Variants in COL16A1 observed in about 807,000 individuals in gnomAD.
COL16A1 encodes the protein collagen type XVI alpha 1 chain, also known as collagen alpha-1(XVI) chain.
A neutral mutation model predicts 266.3 loss-of-function variants in COL16A1; 189 were observed. The ratio of observed to expected loss-of-function variants is 0.71; its 90% confidence interval spans 0.63 to 0.80. The LOEUF (loss-of-function observed/expected upper bound fraction) is 0.80, where lower values mean the gene tolerates loss of function less well. Among genes scored for constraint, COL16A1 ranks in the 30% least tolerant of loss-of-function variants. The pLI is 0.00. For missense variants in COL16A1, 1,928 were observed against 2,122.4 expected (o/e 0.91, Z 1.80); for synonymous variants, 740 against 782.3 (o/e 0.95, Z 0.90).
In COL16A1 at chr1:31,670,610, C is replaced by T; in HGVS notation, c.3187G>A (p.Gly1063Arg). 2.8e-6 allele frequency: 4 copies of T among 1,410,174 alleles called. No homozygotes were observed. Among genetic ancestry groups the T allele is most frequent in the East Asian group, 6.1e-5 (2 of 32,706 alleles). The allele number at this position is 1,410,174 out of a possible 1,614,324, so 87.4% of individuals were successfully genotyped here. A position where few individuals can be genotyped will look rare whatever the true frequency, so the allele number is the denominator to read the frequency against. ...CAGCGCTAGGTTCTTACAGGCAATC[C>T]GGGGGAGCCAACAGCACCAGGAAAA... is the stretch of plus-strand genomic sequence containing the variant. ...PGFPGAVGSPGLPGLQGERGL... is the reference protein window; with the variant it reads ...PGFPGAVGSPRLPGLQGERGL... Residue 1063 changes from glycine to arginine, a missense_variant, in exon 49 of 71, where the codon GGA (glycine) becomes AGA (arginine). Physicochemically the swap from Gly to Arg is moderately radical, Grantham distance 125. This residue lies in a region of COL16A1 where 1,552 missense variants were observed against 1,637.2 expected (regional missense o/e 0.95). Transcript: ENST00000373672. This position sits in a 1 kb window ranked among gnomAD's most constrained non-coding sequence, Gnocchi z 4.5.
intron 67 of COL16A1, 139 bp from the exon 68 acceptor site, chr1:31,654,997 TTTCTG>T: frequency 1.6e-6 from 2 of 1,244,028 alleles, no homozygotes; most frequent in African/African-American, 1.6e-5. Flanking sequence ...TTTTTTTTTT[TTTCTG>T]AGACAGAGTC....
At chr1:31,661,882 G>C in intron 58 of COL16A1, 178 bp from the exon 59 acceptor site, 2 of 678,148 alleles carry the variant, frequency 2.9e-6, no homozygotes, top group Admixed American at 3.1e-5. Context: ...GCCCCTCTCC[G>C]GGCCTTAGCT....
Position 31,697,951 on chromosome 1 carries a change from G to A in COL16A1, c.612C>T (p.Gly204=). The A allele has an allele frequency of 6.2e-7, 1 of 1,613,196 alleles. No homozygotes were observed. The highest frequency in any genetic ancestry group is 8.5e-7 in the Non-Finnish European group (1 of 1,180,008). Residue 204 remains glycine, a synonymous_variant, in exon 6 of 71, where the codon GGC becomes GGT. Coordinates refer to ENST00000373672, the MANE Select transcript of COL16A1 (RefSeq NM_001856.4). This position sits in a 1 kb window ranked among gnomAD's most constrained non-coding sequence, Gnocchi z 4.2. Reference sequence around the variant, plus strand: ...CAGCATCCAAGCCTAGAAATACATGGCCCACAGGCCTCATGGGTCGTCGGG... The same window carrying A: ...CAGCATCCAAGCCTAGAAATACATGACCCACAGGCCTCATGGGTCGTCGGG... ...LGPRRPMRPV[G]HVFLGLDAEQ... is the part of the protein sequence containing the mutation.
intron 63 of COL16A1, 24 bp from the exon 64 acceptor site, chr1:31,658,601 TGA>T: frequency 7.0e-6 from 11 of 1,579,042 alleles, no homozygotes; most frequent in Admixed American, 1.8e-5. Flanking sequence ...AGGGGGACAG[TGA>T]GAGGGGAGGA....
intron 41 of COL16A1, 58 bp downstream of exon 41, chr1:31,679,746 C>A: frequency 6.2e-7 from 1 of 1,607,816 alleles, no homozygotes; most frequent in Non-Finnish European, 8.5e-7. Context: ...CCGAGAGCAG[C>A]TGTTTAGGGT....
chr1:31,667,473 G>T, intron 52 of COL16A1, 102 bp downstream of exon 52: 1 of 958,410 alleles, frequency 1.0e-6, no homozygotes, highest in South Asian at 1.5e-5. Context: ...GGGCAGCAGG[G>T]GTCACGATCC....
At chr1:31,654,927 A>G in intron 67 of COL16A1, 69 bp from the exon 68 acceptor site, 1 of 1,591,706 alleles carries the variant, frequency 6.3e-7, no homozygotes. Context: ...ATGGAAATAA[A>G]GGATGGGGAG....
Position 31,692,008 on chromosome 1 carries a change from C to T in COL16A1, c.1254G>A (p.Arg418=). Residue 418 remains arginine, a synonymous_variant, in exon 17 of 71, where the codon CGG becomes CGA. Transcript: ENST00000373672. ...GGGAAGGGTCCCAGGCACCTACGTC[C>T]CGGCCTGGCTTTCCCGGCACGCCCT... is the stretch of plus-strand genomic sequence containing the variant. ...GIKGVPGKPG[R]DGRPGEICVI... is the part of the protein sequence containing the mutation. 2 of 1,613,870 alleles carry T rather than the reference C, an allele frequency of 1.2e-6. No homozygotes were observed. The highest frequency in any genetic ancestry group is 1.3e-5 in the African/African-American group (1 of 75,028).
At chr1:31,689,914 G>A in intron 22 of COL16A1, 63 bp from the exon 23 acceptor site, 2 of 1,432,036 alleles carry the variant, frequency 1.4e-6, no homozygotes, top group South Asian at 1.2e-5. Flanking sequence ...AAGGCAAGGG[G>A]CCTCTTGCGC....
intron 1 of COL16A1, among the ~76,000 whole-genome samples, chr1:31,703,486 G>A (rs1260878450): frequency 6.6e-6 from 1 of 152,014 alleles, no homozygotes; most frequent in Non-Finnish European, 1.5e-5. Flanking sequence ...CCAATAGAAG[G>A]GCTGCCAGCT....
intron 66 of COL16A1, chr1:31,655,840 G>A: frequency 5.7e-6 from 2 of 348,492 alleles, no homozygotes; most frequent in Non-Finnish European, 1.1e-5. Flanking sequence ...AGACCTCACT[G>A]GTGATGATTC....
chr1:31,700,100 G>A lies in COL16A1; in HGVS notation c.89C>T (p.Pro30Leu). Residue 30 changes from proline to leucine, a missense_variant, in exon 3 of 71, where the codon CCT becomes CTT. By Grantham distance (98) the Pro-to-Leu change is moderately conservative. Around this residue, in one of 2 missense-constraint regions of COL16A1, gnomAD observed 1,552 missense variants for 1,637.2 expected, o/e 0.95. Coordinates refer to ENST00000373672, the MANE Select transcript of COL16A1 (RefSeq NM_001856.4). ...CAATTTGAGTCCTTCCTGCTGTGAA[G>A]GTGGGCATTGTGCACCTAGAAGAGA... Reference protein sequence around the residue: ...HGANTGAQCPPSQQEGLKLEH... With the variant: ...HGANTGAQCPLSQQEGLKLEH... The A allele has an allele frequency of 6.2e-7, 1 of 1,614,204 alleles. No individual in the cohort carries two copies. The highest frequency in any genetic ancestry group is 1.1e-5 in the South Asian group (1 of 91,086).
In COL16A1 at chr1:31,665,177, C is replaced by T. The variant is rs764056349; in HGVS notation, c.3550G>A (p.Glu1184Lys). Residue 1184 changes from glutamate (E) to lysine (K), a missense_variant, in exon 56 of 71, where the codon GAG becomes AAG. Glu to Lys is a moderately conservative substitution (Grantham distance 56). Coordinates refer to ENST00000373672, the MANE Select transcript of COL16A1 (RefSeq NM_001856.4). ...GSPGPPGPQA[E>K]KGSEGIRGPS... ...CAACCCAGGGTCCTGCTCACCTTCT[C>T]TGCTTGAGGGCCAGGTGGGCCAGGT... 2.5e-6 allele frequency: 4 copies of T among 1,606,860 alleles called. No homozygotes were observed. The East Asian group carries it at 6.7e-5, about 27-fold the overall frequency.
chr1:31,665,416 C>T, intron 55 of COL16A1, 167 bp downstream of exon 55: 6 of 1,427,154 alleles, frequency 4.2e-6, no homozygotes, highest in Non-Finnish European at 5.7e-6. Flanking sequence ...AGAGGCTGGG[C>T]TCTCCAGGTC....
chr1:31,673,092 A>G (rs72662988), intron 44 of COL16A1: 5,779 of 564,818 alleles, frequency 0.01, 39 homozygotes, highest in South Asian at 0.018. Context: ...GCCACTTTCC[A>G]GACAGGCATG....
At chr1:31,666,350 T>C (rs1570398882) in intron 52 of COL16A1, 5 of 508,672 alleles carry the variant, frequency 9.8e-6, no homozygotes, top group East Asian at 6.9e-5. Flanking sequence ...GCTCTGATTA[T>C]GTCACTCTCT....
chr1:31,668,231 G>A lies in COL16A1; in HGVS notation c.3250-13C>T. ...GCCCTGGAGGACCCTGCAAAGAAAGGCAGACATGATGGATAGCCCCCCAAC... is the reference window on the plus strand; with the variant it reads ...GCCCTGGAGGACCCTGCAAAGAAAGACAGACATGATGGATAGCCCCCCAAC... On this transcript the variant is annotated splice_polypyrimidine_tract_variant and intron_variant, in intron 50 of 70. Coordinates refer to ENST00000373672, the MANE Select transcript of COL16A1 (RefSeq NM_001856.4). The surrounding 1 kb of genome is among the most constrained non-coding windows in gnomAD (Gnocchi z 5.8). The A allele has an allele frequency of 6.2e-7, 1 of 1,613,382 alleles. No homozygotes were observed. Among genetic ancestry groups the A allele is most frequent in the East Asian group, 2.2e-5 (1 of 44,830 alleles).
intron 40 of COL16A1, 47 bp downstream of exon 40, chr1:31,679,995 C>T (rs1392505051): frequency 1.9e-6 from 3 of 1,608,714 alleles, no homozygotes; most frequent in African/African-American, 2.7e-5. Flanking sequence ...GAGGCTGAAG[C>T]TGGTCCTCTC....
intron 19 of COL16A1, 67 bp downstream of exon 19, chr1:31,691,350 T>C: frequency 6.3e-7 from 1 of 1,583,086 alleles, no homozygotes. Context: ...CCCCCGTTCA[T>C]TCCCTGGCCA....
Sources: gnomAD v4.1 joint callset for allele counts (sites outside exome capture counted in the v4.1 genomes callset) on GRCh38, gnomAD v4.1.1 for gene constraint, gnomAD v4.1.1 regional missense constraint, Gnocchi (gnomAD v3.1) non-coding constraint, MANE v1.5 for transcripts, NCBI Gene and HGNC (gene_info 2026-07-23, HGNC 2026-07-21) for gene names.